The following UVRAG variants were observed in gnomAD, a reference collection of about 807,000 sequenced individuals.
UVRAG encodes the protein UV radiation resistance associated.
A neutral mutation model predicts 78.0 loss-of-function variants in UVRAG; 19 were observed. That is an observed-to-expected ratio of 0.24 (90% CI 0.17 to 0.36). UVRAG has a LOEUF of 0.36. Among genes scored for constraint, UVRAG ranks in the 10% least tolerant of loss-of-function variants. The probability of loss-of-function intolerance (pLI) is 1.00; values close to 1 mark genes in which losing one functional copy is unlikely to be tolerated. For synonymous variants in UVRAG, 323 were observed against 324.6 expected (o/e 1.00, Z 0.05); for missense variants, 740 against 853.8 (o/e 0.87, Z 1.66).
intron 5 of UVRAG, among the ~76,000 whole-genome samples, chr11:75,907,356 C>T (rs1947637478): frequency 6.6e-6 from 1 of 150,398 alleles, no homozygotes; most frequent in Non-Finnish European, 1.5e-5. Flanking sequence ...TTTGTAGATG[C>T]CCTTTATCAG....
intron 12 of UVRAG, among the ~76,000 whole-genome samples, chr11:76,050,756 T>C (rs1342876163): frequency 6.6e-6 from 1 of 152,194 alleles, no homozygotes; most frequent in Non-Finnish European, 1.5e-5. Flanking sequence ...CATTTTGTTA[T>C]GTAGATTTGA....
chr11:75,958,842 G>T (rs1948857046), intron 6 of UVRAG, among the ~76,000 whole-genome samples: 1 of 152,192 alleles, frequency 6.6e-6, no homozygotes, highest in Non-Finnish European at 1.5e-5. Context: ...AAGTTGAAAT[G>T]CCTCCTTCAT....
chr11:76,137,341 A>G (rs2134511262), intron 14 of UVRAG: 1 of 455,970 alleles, frequency 2.2e-6, no homozygotes, highest in East Asian at 6.9e-5. Flanking sequence ...TACAGAACAG[A>G]CACCACTGAA....
In UVRAG at chr11:76,080,725, C is replaced by T. The variant is rs112194969; in HGVS notation, c.1305+14937C>T. 7.3e-3 allele frequency among the ~76,000 whole-genome samples: 1,108 copies of T among 152,238 alleles called. 18 individuals carry two copies. Among genetic ancestry groups the T allele is most frequent in the African/African-American group, 0.025 (1,046 of 41,538 alleles). ...CAAGCTATGTATTTTTTCTCAGTAA[C>T]GTGTACTTCCTCTTTAAGATTCATT... On this transcript the variant is annotated intron_variant, in intron 13 of 14. Transcript: ENST00000356136.
intron 13 of UVRAG, among the ~76,000 whole-genome samples, chr11:76,067,802 G>A (rs765927480): frequency 1.5e-4 from 23 of 151,988 alleles, no homozygotes; most frequent in Admixed American, 7.9e-4. Context: ...TAAGGAAGAA[G>A]TAAATTAGAG....
chr11:75,983,386 GA>G lies in UVRAG; in HGVS notation c.709del (p.Ser237ValfsTer6), dbSNP rs762976381. 353 of 1,411,882 alleles carry G rather than the reference GA, an allele frequency of 2.5e-4. No homozygotes were observed. The highest frequency in any genetic ancestry group is 7.3e-4 in the Middle Eastern group (4 of 5,450). The allele number at this position is 1,411,882 out of a possible 1,614,324, so 87.5% of individuals were successfully genotyped here. A position where few individuals can be genotyped will look rare whatever the true frequency, so the allele number is the denominator to read the frequency against. On this transcript the variant is annotated frameshift_variant and splice_region_variant, in exon 8 of 15. Transcript: ENST00000356136. LOFTEE classifies it high-confidence loss of function. ...LRLTSTSNEL[K>X]KKSECLQLKI... Reference sequence around the variant, plus strand: ...ATATACCTGTGATTTTATTTATTTAGAAAAAAAAAAGTGAATGCCTGCAGTT... The same window carrying G: ...ATATACCTGTGATTTTATTTATTTAGAAAAAAAAAGTGAATGCCTGCAGTT...
At chr11:75,965,197 A>G (rs1320194892) in intron 7 of UVRAG, among the ~76,000 whole-genome samples, 2 of 152,258 alleles carry the variant, frequency 1.3e-5, no homozygotes, top group African/African-American at 4.8e-5. Context: ...TATCTTAACA[A>G]TAGTGGGTCC....
At chr11:76,079,598 G>A (rs1302120390) in intron 13 of UVRAG, among the ~76,000 whole-genome samples, 1 of 152,138 alleles carries the variant, frequency 6.6e-6, no homozygotes, top group Non-Finnish European at 1.5e-5. Flanking sequence ...CTAGGCTTAT[G>A]TAAGTCCAAT....
At chr11:75,848,087 A>G (rs1011960729) in intron 1 of UVRAG, among the ~76,000 whole-genome samples, 7 of 151,118 alleles carry the variant, frequency 4.6e-5, no homozygotes, top group Non-Finnish European at 7.4e-5. Flanking sequence ...GGTCCCAGCT[A>G]CTTGGGAGAC....
At chr11:75,855,994 T>G (rs1420933606) in intron 2 of UVRAG, among the ~76,000 whole-genome samples, 3 of 152,218 alleles carry the variant, frequency 2.0e-5, no homozygotes, top group Non-Finnish European at 2.9e-5. Flanking sequence ...TTATTTTTTA[T>G]TTTTTATTTT....
chr11:75,922,438 A>C (rs1322015493), intron 6 of UVRAG, among the ~76,000 whole-genome samples: 3 of 152,038 alleles, frequency 2.0e-5, no homozygotes, highest in Non-Finnish European at 4.4e-5. Context: ...TTTTTTAAGG[A>C]AAGCTCTCCT....
In UVRAG at chr11:76,039,184, C is replaced by T. The variant is rs78192338; in HGVS notation, c.1226+22204C>T. The stretch of plus-strand genomic sequence containing the variant: ...TTAAATGGAGAGATAACAGCACCCA[C>T]TTCATAGGGTATCTAGGTGGATTAA... On this transcript the variant is annotated intron_variant, in intron 12 of 14. Coordinates refer to ENST00000356136, the MANE Select transcript of UVRAG (RefSeq NM_003369.4). Among the ~76,000 whole-genome samples, 268 of 152,258 alleles carry T rather than the reference C, an allele frequency of 1.8e-3. 8 individuals are homozygous for T. The East Asian group carries it at 0.049, about 28-fold the overall frequency.
At chr11:75,848,631 A>G (rs1345723901) in intron 1 of UVRAG, among the ~76,000 whole-genome samples, 1 of 152,228 alleles carries the variant, frequency 6.6e-6, no homozygotes, top group East Asian at 1.9e-4. Flanking sequence ...TTTGTAAGGC[A>G]GTCAATTCCA....
intron 1 of UVRAG, among the ~76,000 whole-genome samples, chr11:75,838,525 ACT>A (rs984961178): frequency 1.3e-5 from 2 of 150,160 alleles, no homozygotes; most frequent in Non-Finnish European, 3.0e-5. Flanking sequence ...TTTCATAGAG[ACT>A]CTCTCTCTAT....
chr11:75,843,479 C>T (rs577388045), intron 1 of UVRAG, among the ~76,000 whole-genome samples: 3 of 152,136 alleles, frequency 2.0e-5, no homozygotes, highest in Non-Finnish European at 4.4e-5. Context: ...TGATGTTTGT[C>T]ATCATAGTAC....
At chr11:75,828,731 G>GTATATATATA in intron 1 of UVRAG, among the ~76,000 whole-genome samples, 1 of 110,810 alleles carries the variant, frequency 9.0e-6, no homozygotes, top group Admixed American at 1.0e-4. Flanking sequence ...ATGTGTGTGT[G>GTATATATATA]TATATATATA....
In UVRAG at chr11:76,108,983, C is replaced by T. The variant is rs377650344; in HGVS notation, c.1306-6941C>T. ...AATCAATCAAAGTAAAGCTGAAATT[C>T]AAACTAATTGAAACCAAAATTCCAC... On this transcript the variant is annotated intron_variant, in intron 13 of 14. Coordinates refer to ENST00000356136, the MANE Select transcript of UVRAG (RefSeq NM_003369.4). Among the ~76,000 whole-genome samples, 5 of 152,236 alleles carry T rather than the reference C, an allele frequency of 3.3e-5. No homozygotes were observed. The East Asian group carries it at 7.7e-4, about 23-fold the overall frequency.
intron 6 of UVRAG, among the ~76,000 whole-genome samples, chr11:75,919,631 G>A (rs541308200): frequency 1.9e-4 from 29 of 152,262 alleles, no homozygotes; most frequent in Admixed American, 4.6e-4. Flanking sequence ...TGTAAGGAGA[G>A]GCCAACTAAA....
chr11:76,134,940 C>T (rs1028404532), intron 14 of UVRAG, among the ~76,000 whole-genome samples: 2 of 152,076 alleles, frequency 1.3e-5, no homozygotes, highest in Admixed American at 6.6e-5. Context: ...GGAGGGTGAG[C>T]GAGCATTACC....
Sources: gnomAD v4.1 joint callset for allele counts (sites outside exome capture counted in the v4.1 genomes callset) on GRCh38, gnomAD v4.1.1 for gene constraint, MANE v1.5 for transcripts, NCBI Gene and HGNC (gene_info 2026-07-23, HGNC 2026-07-21) for gene names.